NOS2: variants seen among roughly 807,000 people sequenced by gnomAD.
NOS2 encodes nitric oxide synthase, inducible.
Under a neutral mutation model 136.0 loss-of-function variants are expected in NOS2, and 96 were observed. The ratio of observed to expected loss-of-function variants is 0.71; its 90% CI spans 0.60 to 0.84. NOS2 has a LOEUF of 0.84. Ranked by LOEUF, NOS2 falls within the 40% of genes least tolerant of loss-of-function variation. NOS2 has a pLI of 0.00. For missense variants in NOS2, 1,237 were observed against 1,496.9 expected (o/e 0.83, Z 2.87); for synonymous variants, 539 against 587.5 (o/e 0.92, Z 1.20).
chr17:27,781,952 TC>T lies in NOS2; in HGVS notation c.722+62del, dbSNP rs2142517934. 5 of 1,425,916 alleles carry T rather than the reference TC, an allele frequency of 3.5e-6. No homozygotes were observed. In the South Asian group the frequency reaches 5.9e-5, roughly 17 times the overall value. 88.3% of individuals were successfully genotyped at this position (1,425,916 alleles called of 1,614,324 possible). On this transcript the variant is annotated intron_variant, in intron 7 of 26. Coordinates refer to ENST00000313735, the MANE Select transcript of NOS2 (RefSeq NM_000625.4). ...GCCTCCCCTAGACCCAAGTGCTGCA[TC>T]TTTTGGCTAAGATTCTCAGGCAAGG...
chr17:27,770,866 C>T, intron 15 of NOS2, 47 bp downstream of exon 15: 1 of 1,436,562 alleles, frequency 7.0e-7, no homozygotes, highest in South Asian at 1.2e-5. Context: ...CCTGGGTCCT[C>T]CCGTGCCCTA....
At chr17:27,760,240 C>A in intron 24 of NOS2, 62 bp from the exon 25 acceptor site, 2 of 1,476,278 alleles carry the variant, frequency 1.4e-6, no homozygotes, top group Non-Finnish European at 1.8e-6. Flanking sequence ...GGCTCCAAGC[C>A]CAACTGGAAT....
chr17:27,788,239 G>A lies in NOS2; in HGVS notation c.319-413C>T, dbSNP rs190650133. ...ACACACACACGAATGAAGTACACCC[G>A]AATGTTAACTGTGGTGGTTTGGGGG... On this transcript the variant is annotated intron_variant, in intron 4 of 26. Transcript: ENST00000313735. Among the ~76,000 whole-genome samples the A allele has an allele frequency of 2.9e-3, 426 of 146,728 alleles. 7 individuals are homozygous for A. Among genetic ancestry groups the A allele is most frequent in the Non-Finnish European group, 1.8e-3 (122 of 66,524 alleles).
At chr17:27,757,506 C>G (rs11653716) in intron 26 of NOS2, among the ~76,000 whole-genome samples, 153 bp from the exon 27 acceptor site, 17,970 of 152,140 alleles carry the variant, frequency 0.12, 2,001 homozygotes, top group African/African-American at 0.29. Context: ...AGACCCTAAC[C>G]CTGCTCAGCA....
intron 2 of NOS2, among the ~76,000 whole-genome samples, chr17:27,794,985 C>T (rs1042496036): frequency 2.0e-5 from 3 of 152,118 alleles, no homozygotes; most frequent in Admixed American, 6.5e-5. Context: ...CCTCCTCCCC[C>T]CAACTCCTCC....
intron 11 of NOS2, among the ~76,000 whole-genome samples, chr17:27,775,888 C>G (rs1313152752): frequency 6.6e-6 from 1 of 152,222 alleles, no homozygotes; most frequent in African/African-American, 2.4e-5. Flanking sequence ...CTTATAATCT[C>G]CATCTGCCAG....
chr17:27,768,206 C>A (rs1398921219), intron 17 of NOS2, among the ~76,000 whole-genome samples: 6 of 151,790 alleles, frequency 4.0e-5, no homozygotes, highest in African/African-American at 1.5e-4. Flanking sequence ...TACGCACAAC[C>A]AAGCCCAGCC....
chr17:27,784,795 G>T (rs754471325), intron 5 of NOS2, among the ~76,000 whole-genome samples: 43 of 152,190 alleles, frequency 2.8e-4, no homozygotes, highest in Admixed American at 1.3e-4. Flanking sequence ...TGCTCAGCTG[G>T]TCATGTCTTA....
At chr17:27,794,136 A>C (rs1909281157) in intron 2 of NOS2, among the ~76,000 whole-genome samples, 1 of 152,200 alleles carries the variant, frequency 6.6e-6, no homozygotes. Flanking sequence ...TTGAGGCATT[A>C]GCTGGGGCCA....
intron 23 of NOS2, among the ~76,000 whole-genome samples, 188 bp from the exon 24 acceptor site, chr17:27,760,932 G>C (rs1026063627): frequency 1.3e-5 from 2 of 152,102 alleles, no homozygotes; most frequent in South Asian, 4.1e-4. Context: ...CCTCCCCCAG[G>C]TCCTTCTGTA....
intron 11 of NOS2, among the ~76,000 whole-genome samples, chr17:27,777,355 A>G (rs1025423707): frequency 1.3e-5 from 2 of 152,138 alleles, no homozygotes; most frequent in Non-Finnish European, 2.9e-5. Flanking sequence ...GTATCTTCCT[A>G]CATCTCAGGC....
chr17:27,773,363 TGC>T, intron 12 of NOS2, 120 bp from the exon 13 acceptor site: 1 of 711,868 alleles, frequency 1.4e-6, no homozygotes, highest in Non-Finnish European at 2.4e-6. Flanking sequence ...AAGGCTGGCC[TGC>T]GCCCCACCCC....
At chr17:27,790,789 C>T (rs1044272150) in intron 2 of NOS2, among the ~76,000 whole-genome samples, 1 of 152,010 alleles carries the variant, frequency 6.6e-6, no homozygotes, top group African/African-American at 2.4e-5. Context: ...GGTCAGAAAC[C>T]GTTTGTCCTG....
chr17:27,778,941 T>G lies in NOS2; in HGVS notation c.1120A>C (p.Met374Leu). The G allele has an allele frequency of 6.2e-7, 1 of 1,612,726 alleles. No homozygotes were observed. The highest frequency in any genetic ancestry group is 2.2e-5 in the East Asian group (1 of 44,850). ...FPGCPFNGWY[M>L]GTEIGVRDFC... ...TCCCGGACTCCGATCTCTGTGCCCA[T>G]GTACCAGCCATTGAAGGGGCACCCT... Residue 374 changes from methionine to leucine, a missense_variant, in exon 10 of 27, where the codon ATG (methionine) becomes CTG (leucine). This residue lies in a region of NOS2 where 440 missense variants were observed against 545.4 expected (regional missense o/e 0.81). Transcript: ENST00000313735.
chr17:27,780,202 T>C (rs1328212065), intron 9 of NOS2, among the ~76,000 whole-genome samples: 1 of 152,226 alleles, frequency 6.6e-6, no homozygotes, highest in Admixed American at 6.5e-5. Flanking sequence ...AGGCATGTCA[T>C]GCAAAGGGAA....
rs8070472 is a variant in NOS2, at chr17:27,774,162, G to A, written c.1476+95C>T. On this transcript the variant is annotated intron_variant, in intron 12 of 26. Coordinates refer to ENST00000313735, the MANE Select transcript of NOS2 (RefSeq NM_000625.4). Reference sequence around the variant, plus strand: ...TAACAACATACTCCTGCTTCCCGTCGTGCCCTACATGTGTAACAATGAGGT... The same window carrying A: ...TAACAACATACTCCTGCTTCCCGTCATGCCCTACATGTGTAACAATGAGGT... 1.5e-3 allele frequency: 1,378 copies of A among 904,342 alleles called. 13 individuals are homozygous for A. The African/African-American group carries it at 0.02, about 13-fold the overall frequency. The allele number at this position is 904,342 out of a possible 1,614,324, so 56.0% of individuals were successfully genotyped here. A position where few individuals can be genotyped will look rare whatever the true frequency, so the allele number is the denominator to read the frequency against.
In NOS2 at chr17:27,789,632, G is replaced by A; in HGVS notation, c.167C>T (p.Ser56Phe). Residue 56 changes from serine to phenylalanine, a missense_variant, in exon 3 of 27, where the codon TCC becomes TTC. By Grantham distance (155) the Ser-to-Phe change is radical. Coordinates refer to ENST00000313735, the MANE Select transcript of NOS2 (RefSeq NM_000625.4). ...YHNLSKQQNE[S>F]PQPLVETGKK... ...TCCCGTCTCCACGAGGGGCTGCGGGGACTCATTCTGCTGCTTGCTGAGGTT... is the reference window on the plus strand; with the variant it reads ...TCCCGTCTCCACGAGGGGCTGCGGGAACTCATTCTGCTGCTTGCTGAGGTT... The A allele has an allele frequency of 6.2e-7, 1 of 1,614,048 alleles. No individual in the cohort carries two copies. The highest frequency in any genetic ancestry group is 8.5e-7 in the Non-Finnish European group (1 of 1,179,902).
intron 22 of NOS2, among the ~76,000 whole-genome samples, chr17:27,762,078 C>T (rs28944198): frequency 7.2e-5 from 11 of 152,146 alleles, no homozygotes; most frequent in African/African-American, 1.9e-4. Flanking sequence ...CAGGGGGCAG[C>T]GGCCAGTGGT....
At chr17:27,768,705 G>A (rs987847483) in intron 17 of NOS2, among the ~76,000 whole-genome samples, 4 of 152,216 alleles carry the variant, frequency 2.6e-5, no homozygotes, top group East Asian at 1.9e-4. Context: ...CTGGAGGAAA[G>A]ACCTTAAACT....
Sources: gnomAD v4.1 joint callset for allele counts (sites outside exome capture counted in the v4.1 genomes callset) on GRCh38, gnomAD v4.1.1 for gene constraint, gnomAD v4.1.1 regional missense constraint, MANE v1.5 for transcripts, NCBI Gene and HGNC (gene_info 2026-07-23, HGNC 2026-07-21) for gene names.